Variants in DCLK3 observed in about 807,000 individuals in gnomAD.
DCLK3 encodes the protein doublecortin like kinase 3.
A neutral mutation model predicts 46.4 loss-of-function variants in DCLK3; 30 were observed. The ratio of observed to expected loss-of-function variants is 0.65; its 90% CI spans 0.48 to 0.88. DCLK3 has a LOEUF of 0.88. Among genes scored for constraint, DCLK3 ranks in the 40% least tolerant of loss-of-function variants. The probability of loss-of-function intolerance (pLI) is 0.00; values close to 1 mark genes in which losing one functional copy is unlikely to be tolerated. For missense variants in DCLK3, 846 were observed against 907.1 expected, an observed-to-expected ratio of 0.93 and a Z score of 0.87; for synonymous variants, 401 against 339.2, an observed-to-expected ratio of 1.18 and a Z score of -2.00.
chr3:36,719,129 T>C (rs1489443890), intron 3 of DCLK3, among the ~76,000 whole-genome samples: 1 of 152,238 alleles, frequency 6.6e-6, no homozygotes, highest in Non-Finnish European at 1.5e-5. Context: ...TGAGCATTTA[T>C]TAAATATTTG....
Position 36,725,875 on chromosome 3 carries a change from A to T in DCLK3, c.1960-4216T>A, listed in dbSNP as rs115761262. On this transcript the variant is annotated intron_variant, in intron 2 of 4. Transcript: ENST00000636136. ...CCTTCCTTTTTCCCATTCAAAACTT[A>T]TCCCACCTGTCTCACTCTTTCAAAC... Among the ~76,000 whole-genome samples, 860 of 152,288 alleles carry T rather than the reference A, an allele frequency of 5.6e-3. 7 individuals carry two copies. The highest frequency in any genetic ancestry group is 0.02 in the African/African-American group (816 of 41,556).
intron 1 of DCLK3, among the ~76,000 whole-genome samples, chr3:36,754,854 T>C (rs185535244): frequency 1.6e-3 from 244 of 152,284 alleles, no homozygotes; most frequent in Non-Finnish European, 2.8e-3. Flanking sequence ...GCAATTAGAG[T>C]ACATGGACTC....
intron 4 of DCLK3, among the ~76,000 whole-genome samples, chr3:36,716,979 A>G (rs962135349): frequency 2.6e-5 from 4 of 152,162 alleles, no homozygotes; most frequent in Non-Finnish European, 5.9e-5. Flanking sequence ...TAAAGGGGGG[A>G]AAATGAAGAT....
intron 2 of DCLK3, among the ~76,000 whole-genome samples, chr3:36,723,816 C>T (rs959752538): frequency 1.3e-5 from 2 of 152,198 alleles, no homozygotes; most frequent in Admixed American, 6.5e-5. Flanking sequence ...CATGGAGACT[C>T]TCTGCTAGGG....
At chr3:36,743,616 G>A (rs1340421501) in intron 1 of DCLK3, among the ~76,000 whole-genome samples, 2 of 152,000 alleles carry the variant, frequency 1.3e-5, no homozygotes, top group East Asian at 1.9e-4. Flanking sequence ...AATTGACCTG[G>A]ACTTGACAAA....
chr3:36,739,703 A>G (rs1411997203), intron 1 of DCLK3: 2 of 152,278 alleles, frequency 1.3e-5, no homozygotes, highest in African/African-American at 4.8e-5. Context: ...GTATGTCTCT[A>G]TAAGCAGCAT....
Position 36,754,936 on chromosome 3 carries a change from AT to A in DCLK3, c.82+9245del, listed in dbSNP as rs1186086753. Among the ~76,000 whole-genome samples the A allele has an allele frequency of 3.3e-5, 5 of 152,218 alleles. No individual in the cohort carries two copies. In the East Asian group the frequency reaches 9.6e-4, roughly 29 times the overall value. On this transcript the variant is annotated intron_variant, in intron 1 of 4. Coordinates refer to ENST00000636136, the MANE Select transcript of DCLK3 (RefSeq NM_001394672.2). ...AGTAGTCAGCTATAAGGCAAAAAAA[AT>A]CATTAATTACATATATTAACTATCT...
chr3:36,725,103 A>C (rs1029421981), intron 2 of DCLK3, among the ~76,000 whole-genome samples: 3 of 151,654 alleles, frequency 2.0e-5, no homozygotes, highest in African/African-American at 7.3e-5. Flanking sequence ...TCATGAGGTC[A>C]GGAGATCAAG....
intron 1 of DCLK3, among the ~76,000 whole-genome samples, chr3:36,760,611 A>G (rs1179898369): frequency 6.6e-6 from 1 of 150,946 alleles, no homozygotes; most frequent in Non-Finnish European, 1.5e-5. Context: ...ATGTACCCTA[A>G]AACTTAAAGT....
chr3:36,720,280 C>T (rs9682236), intron 3 of DCLK3, among the ~76,000 whole-genome samples: 5,370 of 152,262 alleles, frequency 0.035, 110 homozygotes, highest in African/African-American at 0.073. Context: ...TTCTTAAGCC[C>T]TTATCAGAAG....
intron 1 of DCLK3, among the ~76,000 whole-genome samples, chr3:36,752,885 T>G (rs1575146998): frequency 1.3e-5 from 2 of 152,198 alleles, no homozygotes. Flanking sequence ...TAATTAAAAG[T>G]ATTGAGCCTA....
At chr3:36,744,146 A>AC (rs1485850793) in intron 1 of DCLK3, among the ~76,000 whole-genome samples, 1 of 152,038 alleles carries the variant, frequency 6.6e-6, no homozygotes, top group Non-Finnish European at 1.5e-5. Context: ...GTTTATGCAA[A>AC]CCCCCCAACT....
chr3:36,748,077 C>T (rs1701408452), intron 1 of DCLK3, among the ~76,000 whole-genome samples: 1 of 152,150 alleles, frequency 6.6e-6, no homozygotes, highest in African/African-American at 2.4e-5. Flanking sequence ...GGCAGCATGA[C>T]CCAACTAAAC....
Position 36,715,107 on chromosome 3 carries a change from C to A in DCLK3, c.*221G>T, listed in dbSNP as rs1021423860. 23 of 551,288 alleles carry A rather than the reference C, an allele frequency of 4.2e-5. No individual in the cohort carries two copies. The highest frequency in any genetic ancestry group is 4.5e-5 in the Non-Finnish European group (15 of 332,000). The allele number at this position is 551,288 out of a possible 1,614,324, so 34.1% of individuals were successfully genotyped here. A position where few individuals can be genotyped will look rare whatever the true frequency, so the allele number is the denominator to read the frequency against. On this transcript the variant is annotated 3_prime_UTR_variant, in exon 5 of 5. Transcript: ENST00000636136. ...CTCACTGATGACAATGCTTACCCCCCAAAAATGTATTAAAGGCTTTAAATA... is the reference window on the plus strand; with the variant it reads ...CTCACTGATGACAATGCTTACCCCCAAAAAATGTATTAAAGGCTTTAAATA...
chr3:36,742,966 A>G (rs1701358746), intron 1 of DCLK3, among the ~76,000 whole-genome samples: 1 of 152,194 alleles, frequency 6.6e-6, no homozygotes, highest in South Asian at 2.1e-4. Flanking sequence ...AGAAAGCCAC[A>G]GGCCTGCCCG....
chr3:36,728,760 T>C (rs751192543), intron 2 of DCLK3, among the ~76,000 whole-genome samples: 1 of 152,150 alleles, frequency 6.6e-6, no homozygotes, highest in Non-Finnish European at 1.5e-5. Flanking sequence ...TCCCCTCTCA[T>C]ACATCTCTAT....
Position 36,738,238 on chromosome 3 carries a change from T to G in DCLK3, c.929A>C (p.Lys310Thr). ...KTSGEIIRCE[K>T]CKRERELQQS... is the part of the protein sequence containing the mutation. ...CTGGAGCTCCCTCTCTCTCTTGCAC[T>G]TCTCGCATCTGATAATTTCACCCGA... Residue 310 changes from lysine (K) to threonine (T), a missense_variant, in exon 2 of 5, where the codon AAG becomes ACG. Physicochemically the swap from Lys to Thr is moderately conservative, Grantham distance 78 (BLOSUM62 -1). Around this residue, in one of 3 missense-constraint regions of DCLK3, gnomAD observed 553 missense variants for 543.0 expected, o/e 1.02. Coordinates refer to ENST00000636136, the MANE Select transcript of DCLK3 (RefSeq NM_001394672.2). The G allele has an allele frequency of 6.3e-7, 1 of 1,580,012 alleles. No homozygotes were observed. Among genetic ancestry groups the G allele is most frequent in the Non-Finnish European group, 8.6e-7 (1 of 1,167,280 alleles).
chr3:36,756,701 C>A (rs1185612102), intron 1 of DCLK3, among the ~76,000 whole-genome samples: 1 of 152,110 alleles, frequency 6.6e-6, no homozygotes, highest in Non-Finnish European at 1.5e-5. Flanking sequence ...CCAACCAACC[C>A]TGAGACCCAA....
At chr3:36,751,409 T>C (rs73054243) in intron 1 of DCLK3, among the ~76,000 whole-genome samples, 1 of 152,034 alleles carries the variant, frequency 6.6e-6, no homozygotes, top group African/African-American at 2.4e-5. Flanking sequence ...TGTAATGAGA[T>C]GACAGGCATA....
Sources: gnomAD v4.1 joint callset for allele counts (sites outside exome capture counted in the v4.1 genomes callset) on GRCh38, gnomAD v4.1.1 for gene constraint, gnomAD v4.1.1 regional missense constraint, MANE v1.5 for transcripts, NCBI Gene and HGNC (gene_info 2026-07-23, HGNC 2026-07-21) for gene names.